NBPF12: variants seen among roughly 807,000 people sequenced by gnomAD.
NBPF12 encodes NBPF family member NBPF12.
In NBPF12, 115 loss-of-function variants were observed where a neutral mutation model predicts 146.4. The observed-to-expected ratio is 0.79, with a 90% CI of 0.68 to 0.92. The LOEUF is 0.92. Ranked by LOEUF, NBPF12 falls within the 40% of genes least tolerant of loss-of-function variation. The pLI is 0.00. For synonymous variants in NBPF12, 385 were observed against 508.9 expected, an observed-to-expected ratio of 0.76 and a Z score of 3.28; for missense variants, 1,205 against 1,326.8, an observed-to-expected ratio of 0.91 and a Z score of 1.43.
At chr1:146,977,336 A>G (rs1385820348) in intron 17 of NBPF12, 130 bp from the exon 21 acceptor site, 299 of 1,060,210 alleles carry the variant, frequency 2.8e-4, no homozygotes, top group Non-Finnish European at 4.0e-4. Context: ...GTTCCCTCTT[A>G]ATGGGAACGT....
At chr1:146,975,847 A>T in exon 16 of NBPF12, 1 of 1,610,366 alleles carries the variant, frequency 6.2e-7, no homozygotes, top group Non-Finnish European at 8.5e-7. Flanking sequence ...CAGCTGGCTG[A>T]GGGGTGTAGA....
chr1:146,944,837 A>C (rs1570810564), upstream of NBPF12, among the ~76,000 whole-genome samples: 29 of 126,520 alleles, frequency 2.3e-4, no homozygotes, highest in African/African-American at 4.0e-4. Flanking sequence ...CTTCCCTCCC[A>C]CTCTCTTTCT....
intron 1 of NBPF12, among the ~76,000 whole-genome samples, chr1:146,950,056 T>C (rs1294555309): frequency 3.3e-5 from 5 of 152,134 alleles, no homozygotes; most frequent in Middle Eastern, 3.4e-3. Flanking sequence ...GTTAAGAGGC[T>C]TTAGAGACAA....
chr1:146,951,425 G>A lies in NBPF12; in HGVS notation c.-248G>A. ...AGATCTTGCTAAGATTTACTGGTTGGGAATCCAAAGTTAATGCCAAGAAGC... is the reference window on the plus strand; with the variant it reads ...AGATCTTGCTAAGATTTACTGGTTGAGAATCCAAAGTTAATGCCAAGAAGC... On this transcript the variant is annotated 5_prime_UTR_variant, in exon 2 of 34. An upstream open reading frame in the 5' UTR gains an earlier in-frame stop. Coordinates refer to ENST00000617844, the Ensembl canonical transcript of NBPF12. 4 of 668,326 alleles carry A rather than the reference G, an allele frequency of 6.0e-6. No individual in the cohort carries two copies. In the Admixed American group the frequency reaches 6.3e-5, roughly 11 times the overall value. 41.4% of individuals were successfully genotyped at this position (668,326 alleles called of 1,614,324 possible).
intron 1 of NBPF12, among the ~76,000 whole-genome samples, chr1:146,950,152 C>A (rs1300006060): frequency 6.6e-6 from 1 of 151,964 alleles, no homozygotes; most frequent in East Asian, 1.9e-4. Context: ...AGTGCATTTA[C>A]CCTCTCCCCT....
chr1:146,970,864 G>A (rs1271971261), intron 12 of NBPF12, 145 bp downstream of exon 15: 16 of 986,686 alleles, frequency 1.6e-5, no homozygotes, highest in East Asian at 9.5e-5. Flanking sequence ...TTAGACACAG[G>A]GTGTGGCAGC....
intron 21 of NBPF12, 24 bp downstream of exon 24, chr1:146,984,209 G>A: frequency 1.3e-6 from 1 of 772,812 alleles, no homozygotes; most frequent in South Asian, 1.4e-5. Flanking sequence ...ATTGTGGACA[G>A]TTAATTTGAT....
chr1:146,984,491 T>A (rs1657600271), intron 21 of NBPF12, among the ~76,000 whole-genome samples: 2 of 150,712 alleles, frequency 1.3e-5, no homozygotes, highest in African/African-American at 5.0e-5. Flanking sequence ...ATGATCACTG[T>A]TCACTGTGTG....
At chr1:146,966,618 G>C (rs1375706217) in exon 9 of NBPF12, 1 of 1,506,236 alleles carries the variant, frequency 6.6e-7, no homozygotes, top group Non-Finnish European at 9.2e-7. Context: ...GCCTCAAAGA[G>C]AAATGTTTTG....
At chr1:146,971,373 G>T (rs1656600481) in exon 13 of NBPF12, 4 of 1,611,218 alleles carry the variant, frequency 2.5e-6, no homozygotes, top group South Asian at 1.1e-5. Context: ...TGAATGTCAG[G>T]ATGCTCTAAA....
At chr1:146,949,254 C>T (rs1655219446), upstream of NBPF12, 1 of 150,414 alleles carries the variant, frequency 6.6e-6, no homozygotes, top group Non-Finnish European at 1.5e-5. Flanking sequence ...TCTCCTTCCA[C>T]CTAACGAGAA....
rs1656835579 is a variant in NBPF12 at position 146,974,094 on chromosome 1, A to G, written c.1802-645A>G. ...CAGCTATTTCTTGTCAATCTCCTAG[A>G]ACATTTATTGGCACAGAGTAAACAC... On this transcript the variant is annotated intron_variant, in intron 14 of 33. Transcript: ENST00000617844. 4.7e-5 allele frequency among the ~76,000 whole-genome samples: 7 copies of G among 150,472 alleles called. No individual in the cohort carries two copies. In the South Asian group the frequency reaches 1.5e-3, roughly 31 times the overall value.
chr1:146,992,459 T>A (rs1188373369), intron 31 of NBPF12, among the ~76,000 whole-genome samples: 4 of 101,390 alleles, frequency 3.9e-5, no homozygotes, highest in Admixed American at 1.2e-4. Flanking sequence ...TCTCTCTCTC[T>A]CTCTGTGTGT....
rs1657655616 is a variant in NBPF12 at position 146,984,892 on chromosome 1, G to C, written c.2746G>C (p.Val916Leu). 4 of 1,597,358 alleles carry C rather than the reference G, an allele frequency of 2.5e-6. No individual in the cohort carries two copies. The South Asian group carries it at 3.3e-5, about 13-fold the overall frequency. Residue 916 changes from valine to leucine, a missense_variant, in exon 22 of 34, where the codon GTT becomes CTT. Physicochemically the swap from Val to Leu is conservative, Grantham distance 32. Transcript: ENST00000617844. ...GGATAGATGTTATTCAACTCCTTCA[G>C]TTTATCTTGGACTGACTGACTCATG... is the stretch of plus-strand genomic sequence containing the variant.
chr1:146,963,619 C>T (rs1417994847), intron 6 of NBPF12, among the ~76,000 whole-genome samples: 1 of 151,844 alleles, frequency 6.6e-6, no homozygotes, highest in Non-Finnish European at 1.5e-5. Flanking sequence ...GAAAAGAGCT[C>T]TGGGCTAAGA....
chr1:146,958,012 TATAA>T lies in NBPF12; in HGVS notation c.-183-1842_-183-1839del, dbSNP rs1486682651. Among the ~76,000 whole-genome samples the T allele has an allele frequency of 2.5e-5, 3 of 121,192 alleles. 1 individual carries two copies. The highest frequency in any genetic ancestry group is 9.1e-5 in the Admixed American group (1 of 10,958). The allele number at this position is 121,192 out of a possible 152,430, so 79.5% of individuals were successfully genotyped here. A position where few individuals can be genotyped will look rare whatever the true frequency, so the allele number is the denominator to read the frequency against. On this transcript the variant is annotated intron_variant, in intron 2 of 33. Transcript: ENST00000617844. The stretch of plus-strand genomic sequence containing the variant: ...GTATATATATATATACATGTGTATA[TATAA>T]ATAATACATATACACGTGTATATAT...
Position 146,963,601 on chromosome 1 carries a change from G to T in NBPF12, c.493+292G>T, listed in dbSNP as rs1371870228. ...AGGAGGCTGTGATGGGAGGGCGCTT[G>T]TTGGAGTGAAAAGAGCTCTGGGCTA... On this transcript the variant is annotated intron_variant, in intron 6 of 33. Transcript: ENST00000617844. 3.5e-3 allele frequency among the ~76,000 whole-genome samples: 525 copies of T among 152,054 alleles called. 8 individuals are homozygous for T. The highest frequency in any genetic ancestry group is 0.012 in the African/African-American group (504 of 41,376).
intron 14 of NBPF12, among the ~76,000 whole-genome samples, chr1:146,973,625 T>G (rs1198306127): frequency 6.7e-6 from 1 of 148,776 alleles, no homozygotes; most frequent in Non-Finnish European, 1.5e-5. Flanking sequence ...CCATCTCCAC[T>G]AAAAATACAA....
Position 146,984,285 on chromosome 1 carries a change from T to A in NBPF12, c.2666+100T>A, listed in dbSNP as rs1194269964. 14 of 810,864 alleles carry A rather than the reference T, an allele frequency of 1.7e-5. No individual in the cohort carries two copies. The African/African-American group carries it at 1.8e-4, about 11-fold the overall frequency. The allele number at this position is 810,864 out of a possible 1,614,324, so 50.2% of individuals were successfully genotyped here. On this transcript the variant is annotated intron_variant, in intron 21 of 33. Coordinates refer to ENST00000617844, the Ensembl canonical transcript of NBPF12. ...CGCTGAAAATAATGATTTTGTCTTGTCAGACAAGTCTGAATTATGCCTACT... is the reference window on the plus strand; with the variant it reads ...CGCTGAAAATAATGATTTTGTCTTGACAGACAAGTCTGAATTATGCCTACT...
Sources: gnomAD v4.1 joint callset for allele counts (sites outside exome capture counted in the v4.1 genomes callset) on GRCh38, gnomAD v4.1.1 for gene constraint, MANE v1.5 for transcripts, NCBI Gene and HGNC (gene_info 2026-07-23, HGNC 2026-07-21) for gene names.